Variants in MICU3 observed in about 807,000 individuals in gnomAD.
MICU3 encodes the protein calcium uptake protein 3, mitochondrial.
In MICU3, 62 loss-of-function variants were observed where a neutral mutation model predicts 66.5. That is an observed-to-expected ratio of 0.93 (90% confidence interval 0.76 to 1.15). The LOEUF is 1.15. MICU3 is among the 50% of genes most tolerant of loss of function. The pLI, the probability that MICU3 is intolerant of heterozygous loss-of-function variation, is 0.00. For synonymous variants in MICU3, 308 were observed against 240.7 expected, an observed-to-expected ratio of 1.28 and a Z score of -2.59; for missense variants, 779 against 664.4, an observed-to-expected ratio of 1.17 and a Z score of -1.90.
At chr8:17,035,614 A>C (rs1812837818) in intron 1 of MICU3, among the ~76,000 whole-genome samples, 1 of 152,182 alleles carries the variant, frequency 6.6e-6, no homozygotes, top group South Asian at 2.1e-4. Context: ...TGAGAGAGAT[A>C]ATTTTGGCTA....
chr8:17,074,590 CGTGTGTGTGTGTGTGTGTGT>C (rs35861279), intron 3 of MICU3, among the ~76,000 whole-genome samples: 3 of 141,944 alleles, frequency 2.1e-5, no homozygotes, highest in African/African-American at 5.1e-5. Context: ...GATGTTAAAA[CGTGTGTGTGTGTGTGTGTGT>C]GTGTGTGTGT....
intron 1 of MICU3, among the ~76,000 whole-genome samples, chr8:17,042,946 T>TTTG (rs1814430680): frequency 7.1e-6 from 1 of 140,186 alleles, no homozygotes; most frequent in African/African-American, 2.8e-5. Context: ...TTTTTTTTTT[T>TTTG]TTTTTTTTTT....
Position 17,120,636 on chromosome 8 carries a change from C to T in MICU3, c.*349C>T, listed in dbSNP as rs1803131473. On this transcript the variant is annotated 3_prime_UTR_variant, in exon 15 of 15. Coordinates refer to ENST00000318063, the MANE Select transcript of MICU3 (RefSeq NM_181723.3). ...TTATTTATTCATTAGAAATTTTCCTCATTTCAAAATAATTTATGACTCATG... is the reference window on the plus strand; with the variant it reads ...TTATTTATTCATTAGAAATTTTCCTTATTTCAAAATAATTTATGACTCATG... 6.6e-6 allele frequency: 1 copy of T among 152,384 alleles called. No homozygotes were observed. The highest frequency in any genetic ancestry group is 6.6e-5 in the Admixed American group (1 of 15,234). The allele number at this position is 152,384 out of a possible 1,614,324, so 9.4% of individuals were successfully genotyped here. A position where few individuals can be genotyped will look rare whatever the true frequency, so the allele number is the denominator to read the frequency against.
chr8:17,088,839 G>T (rs1238653832), intron 7 of MICU3, among the ~76,000 whole-genome samples: 2 of 151,820 alleles, frequency 1.3e-5, no homozygotes, highest in African/African-American at 4.8e-5. Flanking sequence ...TGCAGCCAAG[G>T]TATAAGAAAT....
At chr8:17,107,833 A>T (rs928743601) in intron 11 of MICU3, among the ~76,000 whole-genome samples, 6 of 152,336 alleles carry the variant, frequency 3.9e-5, no homozygotes, top group Non-Finnish European at 8.8e-5. Flanking sequence ...TGACACTCAG[A>T]TGTGGTCTAA....
intron 8 of MICU3, among the ~76,000 whole-genome samples, chr8:17,091,986 T>C (rs1415435104): frequency 6.6e-6 from 1 of 152,078 alleles, no homozygotes; most frequent in Non-Finnish European, 1.5e-5. Context: ...CAAGTGATTC[T>C]TCTGCCTCAG....
chr8:17,124,777 A>T (rs558306035), downstream of MICU3, among the ~76,000 whole-genome samples: 7 of 151,988 alleles, frequency 4.6e-5, no homozygotes, highest in East Asian at 1.4e-3. Flanking sequence ...AGTATGGTAT[A>T]CCTTTTCCCT....
At chr8:17,047,517 C>A (rs76084226) in intron 1 of MICU3, among the ~76,000 whole-genome samples, 6,167 of 152,068 alleles carry the variant, frequency 0.041, 455 homozygotes, top group African/African-American at 0.14. Flanking sequence ...ATGTCCTGAG[C>A]AAGATCAATA....
chr8:17,097,841 G>A (rs1200566604), intron 8 of MICU3, among the ~76,000 whole-genome samples: 1 of 151,700 alleles, frequency 6.6e-6, no homozygotes, highest in African/African-American at 2.4e-5. Flanking sequence ...CCTGTTCTCA[G>A]AATTTAGTAT....
chr8:17,075,706 G>T lies in MICU3; in HGVS notation c.568-2077G>T, dbSNP rs182695328. Among the ~76,000 whole-genome samples the T allele has an allele frequency of 3.9e-5, 6 of 152,316 alleles. No homozygotes were observed. The East Asian group carries it at 1.2e-3, about 29-fold the overall frequency. On this transcript the variant is annotated intron_variant, in intron 3 of 14. Coordinates refer to ENST00000318063, the MANE Select transcript of MICU3 (RefSeq NM_181723.3). ...AAATAAGCTACTTGGTGTCAGTAAGGATCTGGGCTCTGTCATTTATTAGTT... is the reference window on the plus strand; with the variant it reads ...AAATAAGCTACTTGGTGTCAGTAAGTATCTGGGCTCTGTCATTTATTAGTT...
chr8:17,047,307 C>A (rs566208215), intron 1 of MICU3, among the ~76,000 whole-genome samples: 65 of 152,106 alleles, frequency 4.3e-4, no homozygotes, highest in African/African-American at 1.5e-3. Flanking sequence ...GAAGAAACTG[C>A]ACAGAATGTA....
intron 1 of MICU3, among the ~76,000 whole-genome samples, chr8:17,029,844 C>T (rs920261873): frequency 3.2e-4 from 49 of 152,084 alleles, no homozygotes; most frequent in Non-Finnish European, 5.4e-4. Context: ...TCTCTTCTCC[C>T]TCTTTCTATT....
In MICU3 at chr8:17,086,969, A is replaced by G. The variant is rs768902648; in HGVS notation, c.783A>G (p.Gln261=). 4 of 1,596,922 alleles carry G rather than the reference A, an allele frequency of 2.5e-6. No individual in the cohort carries two copies. The highest frequency in any genetic ancestry group is 1.7e-5 in the Admixed American group (1 of 59,702). Residue 261 remains glutamine (Q), a synonymous_variant, in exon 7 of 15, where the codon CAA becomes CAG. Transcript: ENST00000318063. Reference sequence around the variant, plus strand: ...TTGATTGATTTCTTTGTCAGCTTCAAGAGATATTCAGGAAAAAAAATGAAA... The same window carrying G: ...TTGATTGATTTCTTTGTCAGCTTCAGGAGATATTCAGGAAAAAAAATGAAA... ...MVDKKEFLVL[Q]EIFRKKNEKR... is the part of the protein sequence containing the mutation.
chr8:17,040,437 C>T (rs1813872301), intron 1 of MICU3, among the ~76,000 whole-genome samples: 1 of 152,128 alleles, frequency 6.6e-6, no homozygotes, highest in Non-Finnish European at 1.5e-5. Flanking sequence ...TTACATTGGA[C>T]TTTATGGAGA....
At chr8:17,065,762 G>A (rs1442809854) in intron 2 of MICU3, among the ~76,000 whole-genome samples, 2 of 152,140 alleles carry the variant, frequency 1.3e-5, no homozygotes. Flanking sequence ...TAGGGCAATT[G>A]CAGGAGTGAG....
intron 3 of MICU3, 92 bp from the exon 4 acceptor site, chr8:17,077,691 G>T: frequency 1.2e-6 from 1 of 842,514 alleles, no homozygotes; most frequent in Non-Finnish European, 1.9e-6. Flanking sequence ...TCTTTTAAGT[G>T]GAGAATTTGG....
chr8:17,123,940 A>G (rs1198011439), downstream of MICU3, among the ~76,000 whole-genome samples: 3 of 119,148 alleles, frequency 2.5e-5, no homozygotes, highest in East Asian at 4.4e-4. Flanking sequence ...AGACAACTCT[A>G]AAGTCTTTAA....
At chr8:17,043,513 C>T (rs1814564237) in intron 1 of MICU3, among the ~76,000 whole-genome samples, 1 of 152,180 alleles carries the variant, frequency 6.6e-6, no homozygotes, top group Non-Finnish European at 1.5e-5. Flanking sequence ...CAGTGATAGG[C>T]AGGTTTTGGA....
the MICU3 span, among the ~76,000 whole-genome samples, chr8:17,138,482 T>A: frequency 6.6e-6 from 1 of 152,086 alleles, no homozygotes; most frequent in Non-Finnish European, 1.5e-5. Context: ...GAACAACAGC[T>A]GCAAAGAAAA....
Sources: gnomAD v4.1 joint callset for allele counts (sites outside exome capture counted in the v4.1 genomes callset) on GRCh38, gnomAD v4.1.1 for gene constraint, MANE v1.5 for transcripts, NCBI Gene and HGNC (gene_info 2026-07-23, HGNC 2026-07-21) for gene names.